AMBRA1: variants seen among roughly 807,000 people sequenced by gnomAD.
AMBRA1 encodes the protein autophagy and beclin 1 regulator 1.
A neutral mutation model predicts 125.4 loss-of-function variants in AMBRA1; 47 were observed. The ratio of observed to expected loss-of-function variants is 0.37; its 90% CI spans 0.30 to 0.48. The LOEUF is 0.48. Ranked by LOEUF, AMBRA1 falls within the 20% of genes least tolerant of loss-of-function variation. The pLI, the probability that AMBRA1 is intolerant of heterozygous loss-of-function variation, is 0.99. For synonymous variants in AMBRA1, 626 were observed against 655.5 expected (o/e 0.95, Z 0.69); for missense variants, 1,331 against 1,693.4 (o/e 0.79, Z 3.76).
chr11:46,489,023 C>T (rs1049165963), intron 11 of AMBRA1, among the ~76,000 whole-genome samples: 3 of 152,198 alleles, frequency 2.0e-5, no homozygotes, highest in African/African-American at 7.2e-5. Context: ...CTGCCTCAGC[C>T]TCCAGAGTAG....
chr11:46,443,644 C>A lies in AMBRA1; in HGVS notation c.2522-46G>T, dbSNP rs562191904. 2.0e-6 allele frequency: 3 copies of A among 1,489,380 alleles called. No homozygotes were observed. In the African/African-American group the frequency reaches 4.1e-5, roughly 21 times the overall value. 92.3% of individuals were successfully genotyped at this position (1,489,380 alleles called of 1,614,324 possible). On this transcript the variant is annotated intron_variant, in intron 11 of 17. Transcript: ENST00000683756. ...GACAGCACATTATATTATTTATCCA[C>A]GTTTCCACTGCAAAACATAAAACAA...
chr11:46,424,372 T>C (rs1182071257), intron 14 of AMBRA1, among the ~76,000 whole-genome samples: 2 of 152,196 alleles, frequency 1.3e-5, no homozygotes, highest in African/African-American at 4.8e-5. Flanking sequence ...GTCTTATTCA[T>C]TTGTTCCTGA....
chr11:46,516,857 T>C (rs1462915559), intron 7 of AMBRA1, among the ~76,000 whole-genome samples: 1 of 152,148 alleles, frequency 6.6e-6, no homozygotes, highest in African/African-American at 2.4e-5. Flanking sequence ...TTGACTTGAC[T>C]TAATCTATCA....
chr11:46,421,822 C>A (rs777616901), intron 14 of AMBRA1, among the ~76,000 whole-genome samples: 5 of 152,294 alleles, frequency 3.3e-5, no homozygotes, highest in Admixed American at 2.6e-4. Flanking sequence ...TCTTTCTAAC[C>A]CAGAGACTGG....
chr11:46,461,827 A>C (rs1949101157), intron 11 of AMBRA1, among the ~76,000 whole-genome samples: 2 of 152,200 alleles, frequency 1.3e-5, no homozygotes, highest in African/African-American at 4.8e-5. Context: ...CCTGAGTTCA[A>C]ACTAGGAACA....
chr11:46,510,493 C>CTT (rs1491055157), intron 8 of AMBRA1, among the ~76,000 whole-genome samples: 1 of 152,134 alleles, frequency 6.6e-6, no homozygotes, highest in East Asian at 1.9e-4. Context: ...AAAGAAGACC[C>CTT]TTTTATTTGG....
intron 1 of AMBRA1, among the ~76,000 whole-genome samples, chr11:46,560,162 T>C (rs1259495797): frequency 6.6e-6 from 1 of 152,206 alleles, no homozygotes; most frequent in Admixed American, 6.5e-5. Flanking sequence ...ACACAGTCCC[T>C]TTCTTTATAA....
At chr11:46,434,732 G>A in intron 13 of AMBRA1, 117 bp downstream of exon 13, 3 of 1,085,554 alleles carry the variant, frequency 2.8e-6, no homozygotes. Context: ...CTGTGCCCCA[G>A]TGAAGGTAGG....
intron 7 of AMBRA1, among the ~76,000 whole-genome samples, chr11:46,520,757 G>A (rs1167047403): frequency 6.7e-6 from 1 of 150,014 alleles, no homozygotes; most frequent in African/African-American, 2.5e-5. Context: ...CACCAAGCCC[G>A]GCTAATTTTT....
Position 46,515,464 on chromosome 11 carries a change from C to G in AMBRA1, c.2073-2651G>C, listed in dbSNP as rs554554828. Among the ~76,000 whole-genome samples the G allele has an allele frequency of 2.2e-4, 34 of 151,152 alleles. No individual in the cohort carries two copies. In the South Asian group the frequency reaches 6.9e-3, roughly 31 times the overall value. On this transcript the variant is annotated intron_variant, in intron 7 of 17. Transcript: ENST00000683756. ...CTCCAGACTGGGTGACAGAGTGAGACTGCATCTCAAAACAAACAAACAAAC... is the reference window on the plus strand; with the variant it reads ...CTCCAGACTGGGTGACAGAGTGAGAGTGCATCTCAAAACAAACAAACAAAC...
At chr11:46,481,041 T>C (rs1199757529) in intron 11 of AMBRA1, among the ~76,000 whole-genome samples, 1 of 152,218 alleles carries the variant, frequency 6.6e-6, no homozygotes, top group African/African-American at 2.4e-5. Context: ...AATGTCCTCT[T>C]GGCTCTTTTG....
chr11:46,421,449 T>G (rs1306208857), intron 14 of AMBRA1, among the ~76,000 whole-genome samples: 2 of 152,176 alleles, frequency 1.3e-5, no homozygotes, highest in African/African-American at 4.8e-5. Context: ...CTTGCTTGCT[T>G]AGCACACTCT....
chr11:46,572,202 A>AGGAGGCTG (rs1256501532), intron 1 of AMBRA1, among the ~76,000 whole-genome samples: 1 of 151,774 alleles, frequency 6.6e-6, no homozygotes. Context: ...TCGGGAGGCT[A>AGGAGGCTG]AGGCAGGAGA....
At chr11:46,577,716 C>T (rs906858010) in intron 1 of AMBRA1, among the ~76,000 whole-genome samples, 2 of 151,986 alleles carry the variant, frequency 1.3e-5, no homozygotes, top group African/African-American at 2.4e-5. Flanking sequence ...TTTGGGAGGC[C>T]GAGGCGGGCA....
intron 12 of AMBRA1, among the ~76,000 whole-genome samples, chr11:46,442,151 T>C (rs141282704): frequency 6.8e-6 from 1 of 146,294 alleles, no homozygotes; most frequent in Non-Finnish European, 1.5e-5. Flanking sequence ...TGTGTTTTTG[T>C]TTTTTTTTGG....
chr11:46,465,925 G>A (rs1300594784), intron 11 of AMBRA1, among the ~76,000 whole-genome samples: 1 of 152,152 alleles, frequency 6.6e-6, no homozygotes, highest in Non-Finnish European at 1.5e-5. Flanking sequence ...AACAGATAAA[G>A]CCTTGGCCTT....
At chr11:46,583,650 TCCAAA>T (rs1208721393) in intron 1 of AMBRA1, among the ~76,000 whole-genome samples, 8 of 18,088 alleles carry the variant, frequency 4.4e-4, no homozygotes, top group Non-Finnish European at 1.5e-3. Flanking sequence ...CAAACAAATT[TCCAAA>T]AAAAAAAAAA....
At chr11:46,541,180 T>C (rs549918210) in intron 7 of AMBRA1, among the ~76,000 whole-genome samples, 1 of 152,326 alleles carries the variant, frequency 6.6e-6, no homozygotes, top group South Asian at 2.1e-4. Context: ...CACATAGCCA[T>C]ACATGGAACA....
intron 17 of AMBRA1, among the ~76,000 whole-genome samples, chr11:46,399,517 C>T (rs566024801): frequency 1.3e-5 from 2 of 152,214 alleles, no homozygotes; most frequent in Admixed American, 6.5e-5. Context: ...CAGGCTCCCA[C>T]CACACCTGGC....
Sources: allele counts gnomAD v4.1 joint callset (sites outside exome capture counted in the v4.1 genomes callset), GRCh38; gene constraint gnomAD v4.1.1; transcripts MANE v1.5; gene names NCBI Gene and HGNC (gene_info 2026-07-23, HGNC 2026-07-21).